The following HERC4 variants were observed in gnomAD, a reference collection of about 807,000 sequenced individuals.
HERC4 encodes probable E3 ubiquitin-protein ligase HERC4.
In HERC4, 28 loss-of-function variants were observed where a neutral mutation model predicts 124.3. The ratio of observed to expected loss-of-function variants is 0.23; its 90% CI spans 0.17 to 0.31. The LOEUF (loss-of-function observed/expected upper bound fraction) is 0.31, where lower values mean the gene tolerates loss of function less well. Among genes scored for constraint, HERC4 ranks in the 10% least tolerant of loss-of-function variants. The pLI is 1.00. For synonymous variants in HERC4, 407 were observed against 421.5 expected (o/e 0.97, Z 0.42); for missense variants, 713 against 1,229.3 (o/e 0.58, Z 6.28).
chr10:67,973,814 G>T (rs2132537668), intron 15 of HERC4, among the ~76,000 whole-genome samples: 1 of 152,146 alleles, frequency 6.6e-6, no homozygotes, highest in Admixed American at 6.6e-5. Context: ...AGAACTTTGG[G>T]AGGCCAAGGT....
intron 7 of HERC4, among the ~76,000 whole-genome samples, chr10:68,027,917 C>G (rs1194097052): frequency 6.7e-6 from 1 of 149,658 alleles, no homozygotes; most frequent in Non-Finnish European, 1.5e-5. Flanking sequence ...CAGTGAGACT[C>G]CATCTCAAAA....
chr10:67,964,109 T>TG lies in HERC4; in HGVS notation c.1926+2573dup, dbSNP rs1554908030. 2.0e-5 allele frequency among the ~76,000 whole-genome samples: 3 copies of TG among 150,164 alleles called. No homozygotes were observed. The East Asian group carries it at 5.8e-4, about 29-fold the overall frequency. On this transcript the variant is annotated intron_variant, in intron 16 of 24. Coordinates refer to ENST00000373700, the MANE Select transcript of HERC4 (RefSeq NM_015601.4). ...CCACTCCATTTTTTTTTTTTTTTTTTGCTCCTCTTCAATGCAGAACTTCGT... is the reference window on the plus strand; with the variant it reads ...CCACTCCATTTTTTTTTTTTTTTTTTGGCTCCTCTTCAATGCAGAACTTCGT...
chr10:67,996,797 C>A (rs1157474566), intron 9 of HERC4, among the ~76,000 whole-genome samples: 1 of 151,716 alleles, frequency 6.6e-6, no homozygotes, highest in Admixed American at 6.6e-5. Context: ...TACAGTGAAA[C>A]CCCGTCTCTA....
At chr10:67,998,565 G>C (rs868711082) in intron 9 of HERC4, among the ~76,000 whole-genome samples, 1 of 14,672 alleles carries the variant, frequency 6.8e-5, no homozygotes, top group African/African-American at 8.7e-5. Context: ...AAAAAAAAAG[G>C]GGGGGGGGTA....
In HERC4 at chr10:67,940,655, C is replaced by T. The variant is rs187960262; in HGVS notation, c.2504+284G>A. Among the ~76,000 whole-genome samples the T allele has an allele frequency of 3.5e-3, 534 of 152,090 alleles. 1 individual carries two copies. The highest frequency in any genetic ancestry group is 0.012 in the African/African-American group (508 of 41,486). On this transcript the variant is annotated intron_variant, in intron 20 of 24. Coordinates refer to ENST00000373700, the MANE Select transcript of HERC4 (RefSeq NM_015601.4). Reference sequence around the variant, plus strand: ...ACTAGTCTCGAACTCCTGACCTCCACGCTGGTCTCAAACTCCTGACCTCAG... The same window carrying T: ...ACTAGTCTCGAACTCCTGACCTCCATGCTGGTCTCAAACTCCTGACCTCAG...
At chr10:67,962,199 T>C (rs762369696) in intron 16 of HERC4, among the ~76,000 whole-genome samples, 2 of 147,636 alleles carry the variant, frequency 1.4e-5, no homozygotes, top group Admixed American at 7.0e-5. Context: ...AAAGTGTTAT[T>C]ACTACTAAGA....
chr10:67,932,522 AT>A (rs2031932093), intron 23 of HERC4, 74 bp downstream of exon 23: 2 of 1,302,588 alleles, frequency 1.5e-6, no homozygotes, highest in South Asian at 1.4e-5. Context: ...AAAATAAAAA[AT>A]AATACATAAA....
intron 19 of HERC4, among the ~76,000 whole-genome samples, chr10:67,943,169 A>G (rs1480109007): frequency 6.6e-6 from 1 of 152,218 alleles, no homozygotes; most frequent in Non-Finnish European, 1.5e-5. Context: ...CATAAATGTA[A>G]CAGTTTTCAG....
At chr10:68,024,075 T>A (rs2038782717) in intron 8 of HERC4, among the ~76,000 whole-genome samples, 2 of 152,112 alleles carry the variant, frequency 1.3e-5, no homozygotes, top group African/African-American at 4.8e-5. Context: ...TAAAGAACTT[T>A]TATCCCTGTA....
intron 9 of HERC4, chr10:68,010,507 T>C: frequency 1.0e-6 from 1 of 959,796 alleles, no homozygotes; most frequent in African/African-American, 1.6e-5. Context: ...TGCTGGGCAA[T>C]GTGACTGATC....
chr10:67,941,007 T>C lies in HERC4; in HGVS notation c.2436A>G (p.Leu812=), dbSNP rs1347593800. 2 of 1,612,448 alleles carry C rather than the reference T, an allele frequency of 1.2e-6. No homozygotes were observed. Among genetic ancestry groups the C allele is most frequent in the Admixed American group, 3.3e-5 (2 of 59,822 alleles). ...GCTTCTTTTTCAGTAGTTTCTTATATAAAGCCAAAGGAAAATGGAGGTCCA... is the reference window on the plus strand; with the variant it reads ...GCTTCTTTTTCAGTAGTTTCTTATACAAAGCCAAAGGAAAATGGAGGTCCA... The part of the protein sequence containing the change: ...TIVDLHFPLA[L]YKKLLKKKPS... The change falls in exon 20 of 25, where the codon TTA becomes TTG. Residue 812 remains leucine, a synonymous_variant. Coordinates refer to ENST00000373700, the MANE Select transcript of HERC4 (RefSeq NM_015601.4).
In HERC4 at chr10:67,977,811, A is replaced by G. The variant is rs377751346; in HGVS notation, c.1806+10852T>C. Among the ~76,000 whole-genome samples, 108 of 151,992 alleles carry G rather than the reference A, an allele frequency of 7.1e-4. 3 individuals are homozygous for G. In the South Asian group the frequency reaches 0.013, roughly 18 times the overall value. ...AGCCTGGCCAACATGGAGAAACACTATCTCCACAAAAAATACAAAAATTAG... is the reference window on the plus strand; with the variant it reads ...AGCCTGGCCAACATGGAGAAACACTGTCTCCACAAAAAATACAAAAATTAG... On this transcript the variant is annotated intron_variant, in intron 15 of 24. Transcript: ENST00000373700.
At chr10:68,018,225 T>C (rs1253852736) in intron 8 of HERC4, among the ~76,000 whole-genome samples, 1 of 141,472 alleles carries the variant, frequency 7.1e-6, no homozygotes, top group Non-Finnish European at 1.5e-5. Flanking sequence ...AGCTGTTAAC[T>C]AGAAAAAAAA....
intron 15 of HERC4, among the ~76,000 whole-genome samples, chr10:67,975,204 T>C (rs2035512769): frequency 6.6e-6 from 1 of 151,590 alleles, no homozygotes; most frequent in Non-Finnish European, 1.5e-5. Context: ...AAAAAAAAAA[T>C]TCACTCAAAT....
chr10:68,020,641 C>T (rs1385278910), intron 8 of HERC4, among the ~76,000 whole-genome samples: 3 of 150,782 alleles, frequency 2.0e-5, no homozygotes, highest in South Asian at 2.1e-4. Flanking sequence ...TAGTGGCGGG[C>T]GCCTGTAGTC....
At position 67,922,807 on chromosome 10, in the gene HERC4, G is replaced by T; in HGVS notation, c.*124C>A. ...TTTTTGGCTTCCATGAACACTCGTA[G>T]ATTGAACATTCTGCAAGTAAGAATT... On this transcript the variant is annotated 3_prime_UTR_variant, in exon 25 of 25. Coordinates refer to ENST00000373700, the MANE Select transcript of HERC4 (RefSeq NM_015601.4). The T allele has an allele frequency of 1.4e-6, 1 of 704,672 alleles. No homozygotes were observed. The allele number at this position is 704,672 out of a possible 1,614,324, so 43.7% of individuals were successfully genotyped here.
At chr10:67,955,250 A>G in intron 17 of HERC4, 120 bp from the exon 18 acceptor site, 1 of 792,496 alleles carries the variant, frequency 1.3e-6, no homozygotes, top group Non-Finnish European at 2.0e-6. Context: ...TACTGAATTA[A>G]CATAGCACCT....
At chr10:67,976,796 A>G in intron 15 of HERC4, among the ~76,000 whole-genome samples, 1 of 152,188 alleles carries the variant, frequency 6.6e-6, no homozygotes. Context: ...GCCCTGTTAC[A>G]GCAAAAAGTA....
chr10:67,939,531 G>A, intron 21 of HERC4, 57 bp downstream of exon 21: 1 of 1,170,182 alleles, frequency 8.5e-7, no homozygotes. Flanking sequence ...CTAAGACACG[G>A]CTGTTAAATA....
Sources: allele counts gnomAD v4.1 joint callset (sites outside exome capture counted in the v4.1 genomes callset), GRCh38; gene constraint gnomAD v4.1.1; transcripts MANE v1.5; gene names NCBI Gene and HGNC (gene_info 2026-07-23, HGNC 2026-07-21).